CHD3: variants seen among roughly 807,000 people sequenced by gnomAD.
The protein encoded by CHD3 is chromodomain helicase DNA binding protein 3.
Under a neutral mutation model 248.9 loss-of-function variants are expected in CHD3, and 52 were observed. The ratio of observed to expected loss-of-function variants is 0.21; its 90% CI spans 0.17 to 0.26. The LOEUF is 0.26. CHD3 is among the 10% of genes least tolerant of loss of function. The probability of loss-of-function intolerance (pLI) is 1.00; values close to 1 mark genes in which losing one functional copy is unlikely to be tolerated. For missense variants in CHD3, 1,482 were observed against 2,605.8 expected (o/e 0.57, Z 9.39); for synonymous variants, 985 against 985.2 (o/e 1.00, Z 0.00).
chr17:7,902,804 G>A, intron 21 of CHD3, 77 bp downstream of exon 21: 1 of 1,586,444 alleles, frequency 6.3e-7, no homozygotes, highest in East Asian at 2.2e-5. Context: ...ATGGGAGGGG[G>A]ACTGGCTTGG....
chr17:7,909,157 G>T lies in CHD3; in HGVS notation c.5409G>T (p.Ala1803=). The change falls in exon 37 of 40, where the codon GCG becomes GCT. Residue 1803 remains alanine (A), a synonymous_variant. Transcript: ENST00000330494. The surrounding 1 kb of genome is among the most constrained non-coding windows in gnomAD (Gnocchi z 8.1). ...TGTGCCCTCAGCTCCTGGAGCAGGCGCTGGTGATTGAGGAGCAGCTGCGGC... is the reference window on the plus strand; with the variant it reads ...TGTGCCCTCAGCTCCTGGAGCAGGCTCTGGTGATTGAGGAGCAGCTGCGGC... ...LARRFKLLEQ[A]LVIEEQLRRA... is the part of the protein sequence containing the mutation. The T allele has an allele frequency of 6.4e-7, 1 of 1,556,094 alleles. No homozygotes were observed. Among genetic ancestry groups the T allele is most frequent in the Non-Finnish European group, 8.7e-7 (1 of 1,150,572 alleles).
intron 8 of CHD3, 37 bp from the exon 9 acceptor site, chr17:7,894,880 C>T (rs747086994): frequency 3.0e-5 from 48 of 1,606,582 alleles, no homozygotes; most frequent in Non-Finnish European, 4.0e-5. Flanking sequence ...TCCTTAATTT[C>T]TTCCATCTGT....
In CHD3 at chr17:7,910,826, T is replaced by TC; in HGVS notation, c.5755-20dup. The TC allele has an allele frequency of 6.3e-7, 1 of 1,584,260 alleles. No individual in the cohort carries two copies. Among genetic ancestry groups the TC allele is most frequent in the Non-Finnish European group, 8.6e-7 (1 of 1,169,432 alleles). On this transcript the variant is annotated intron_variant, in intron 38 of 39. Transcript: ENST00000330494. The surrounding 1 kb of genome is among the most constrained non-coding windows in gnomAD (Gnocchi z 4.7). ...CACAGACTATGAACTAACTCCAACTTCTGCTTCCTCTCTGTTCCAGGCCTA... is the reference window on the plus strand; with the variant it reads ...CACAGACTATGAACTAACTCCAACTTCCTGCTTCCTCTCTGTTCCAGGCCTA...
chr17:7,890,038 G>C (rs1225134159), intron 2 of CHD3, among the ~76,000 whole-genome samples: 1 of 151,024 alleles, frequency 6.6e-6, no homozygotes, highest in African/African-American at 2.4e-5. Context: ...GAAAGCACAA[G>C]CTCTGGAAGA....
At position 7,898,478 on chromosome 17, in the gene CHD3, G is replaced by T. The variant is rs1227174495; in HGVS notation, c.2052-18G>T. ...ACTCCCAAGGATGAGGCCTCATTCA[G>T]ACCCACTCTTTTTCCAGAGAACTAA... On this transcript the variant is annotated intron_variant, in intron 12 of 39. Coordinates refer to ENST00000330494, the MANE Select transcript of CHD3 (RefSeq NM_001005273.3). 1 of 1,592,778 alleles carries T rather than the reference G, an allele frequency of 6.3e-7. No homozygotes were observed. The highest frequency in any genetic ancestry group is 8.6e-7 in the Non-Finnish European group (1 of 1,161,552).
rs1969258785 is a variant in CHD3, at chr17:7,893,944, C to T, written c.924+9C>T. The T allele has an allele frequency of 6.9e-7, 1 of 1,459,468 alleles. No individual in the cohort carries two copies. Among genetic ancestry groups the T allele is most frequent in the South Asian group, 1.3e-5 (1 of 79,634 alleles). The allele number at this position is 1,459,468 out of a possible 1,614,324, so 90.4% of individuals were successfully genotyped here. The stretch of plus-strand genomic sequence containing the variant: ...GGAAGAAAGGAGGCTCGGTGAGTGA[C>T]CCGTCCCTGTCTACTAAACACCTGG... On this transcript the variant is annotated intron_variant, in intron 6 of 39. Coordinates refer to ENST00000330494, the MANE Select transcript of CHD3 (RefSeq NM_001005273.3).
intron 2 of CHD3, chr17:7,890,353 C>T (rs549863623): frequency 9.6e-5 from 38 of 393,922 alleles, no homozygotes; most frequent in East Asian, 5.4e-4. Context: ...CGCTTGAACC[C>T]GGGAGGTGGA....
chr17:7,893,506 C>A lies in CHD3; in HGVS notation c.730C>A (p.Pro244Thr). Residue 244 changes from proline (P) to threonine (T), a missense_variant, in exon 5 of 40, where the codon CCA becomes ACA. Around this residue, in one of 20 missense-constraint regions of CHD3, gnomAD observed 149 missense variants for 182.6 expected, o/e 0.82. Transcript: ENST00000330494. ...IAPSGPPALP[P>T]PPAADIQPPP... ...ACCCTCCGGACCCCCCGCCCTTCCA[C>A]CACCCCCTGCTGCTGATATCCAGCC... 6.4e-7 allele frequency: 1 copy of A among 1,556,986 alleles called. No homozygotes were observed. The highest frequency in any genetic ancestry group is 2.3e-5 in the East Asian group (1 of 44,440).
intron 20 of CHD3, among the ~76,000 whole-genome samples, chr17:7,901,771 A>C (rs527968854): frequency 6.6e-6 from 1 of 152,084 alleles, no homozygotes; most frequent in East Asian, 1.9e-4. Context: ...TCGGTCTCCC[A>C]AAGTGCTGGG....
At position 7,905,043 on chromosome 17, in the gene CHD3, A is replaced by G; in HGVS notation, c.4073-57A>G. ...GAGGAATCCAGCCAGAAAGGGCCTC[A>G]GCATGGGCATATCCCGAGAGCCCTC... On this transcript the variant is annotated intron_variant, in intron 25 of 39. Transcript: ENST00000330494. The surrounding 1 kb of genome is among the most constrained non-coding windows in gnomAD (Gnocchi z 5.8). 2 of 1,499,558 alleles carry G rather than the reference A, an allele frequency of 1.3e-6. No homozygotes were observed. The highest frequency in any genetic ancestry group is 3.3e-5 in the Admixed American group (2 of 59,762). The allele number at this position is 1,499,558 out of a possible 1,614,324, so 92.9% of individuals were successfully genotyped here. A position where few individuals can be genotyped will look rare whatever the true frequency, so the allele number is the denominator to read the frequency against.
At chr17:7,892,871 T>G (rs575352938) in intron 4 of CHD3, among the ~76,000 whole-genome samples, 1 of 152,224 alleles carries the variant, frequency 6.6e-6, no homozygotes, top group African/African-American at 2.4e-5. Context: ...TAGCTCACTA[T>G]ATCCTCCAAC....
Position 7,900,783 on chromosome 17 carries a change from G to A in CHD3, c.2978+52G>A, listed in dbSNP as rs753088868. On this transcript the variant is annotated intron_variant, in intron 18 of 39. Transcript: ENST00000330494. The surrounding 1 kb of genome is among the most constrained non-coding windows in gnomAD (Gnocchi z 6.5). ...GTAGGGCTTGGGGATTGATGGGAGC[G>A]TTCCAAGTGCAATATCATAATTGCT... 18 of 1,609,696 alleles carry A rather than the reference G, an allele frequency of 1.1e-5. No homozygotes were observed. Among genetic ancestry groups the A allele is most frequent in the South Asian group, 5.5e-5 (5 of 90,974 alleles).
At chr17:7,893,674 G>A (rs1969214738) in intron 5 of CHD3, 105 bp downstream of exon 5, 1 of 1,528,612 alleles carries the variant, frequency 6.5e-7, no homozygotes, top group Non-Finnish European at 8.8e-7. Context: ...CTGGAGGAGA[G>A]ATGCTTTCCA....
At position 7,894,905 on chromosome 17, in the gene CHD3, T is replaced by G. The variant is rs773516185; in HGVS notation, c.1270-12T>G. On this transcript the variant is annotated splice_polypyrimidine_tract_variant and intron_variant, in intron 8 of 39. Transcript: ENST00000330494. ...CTTCCATCTGTCTGTGTGTCTATCC[T>G]TGGCCCCCTAGGAGAAGGAGGGGGT... The G allele has an allele frequency of 6.2e-7, 1 of 1,612,328 alleles. No homozygotes were observed. The highest frequency in any genetic ancestry group is 2.2e-5 in the East Asian group (1 of 44,866).
upstream of CHD3, chr17:7,884,997 G>T (rs1450522944): frequency 1.6e-6 from 2 of 1,242,012 alleles, no homozygotes; most frequent in Non-Finnish European, 1.0e-6. Flanking sequence ...GGCCGCGACC[G>T]CCACAGCCCC....
chr17:7,885,367 G>A (rs1967724210), upstream of CHD3: 2 of 154,820 alleles, frequency 1.3e-5, no homozygotes, highest in South Asian at 1.7e-4. Context: ...AGAGCGCTGG[G>A]CGCGAGCTGC....
Position 7,900,490 on chromosome 17 carries a change from G to C in CHD3, c.2805-68G>C. ...TGAGCTGGTAGAGGATTAATCTGAG[G>C]TGGTAAGTCTGAGATCAGGGGCAAG... On this transcript the variant is annotated intron_variant, in intron 17 of 39. Transcript: ENST00000330494. This position sits in a 1 kb window ranked among gnomAD's most constrained non-coding sequence, Gnocchi z 6.5. 6.2e-7 allele frequency: 1 copy of C among 1,610,572 alleles called. No homozygotes were observed. Among genetic ancestry groups the C allele is most frequent in the South Asian group, 1.1e-5 (1 of 90,978 alleles).
Position 7,910,116 on chromosome 17 carries a change from A to T in CHD3, c.5591-312A>T. 4.5e-6 allele frequency: 1 copy of T among 222,692 alleles called. No homozygotes were observed. The allele number at this position is 222,692 out of a possible 1,614,324, so 13.8% of individuals were successfully genotyped here. ...GATGTTCTGACAACTCCCCGCCCCCATGTCTTCCAATGTCCCCCCATCTTC... is the reference window on the plus strand; with the variant it reads ...GATGTTCTGACAACTCCCCGCCCCCTTGTCTTCCAATGTCCCCCCATCTTC... On this transcript the variant is annotated intron_variant, in intron 37 of 39. Transcript: ENST00000330494. The surrounding 1 kb of genome is among the most constrained non-coding windows in gnomAD (Gnocchi z 4.7).
rs1405845352 is a variant in CHD3, at chr17:7,897,149, C to A, written c.1774C>A (p.Pro592Thr). The A allele has an allele frequency of 6.2e-6, 10 of 1,614,022 alleles. No homozygotes were observed. The highest frequency in any genetic ancestry group is 2.7e-5 in the African/African-American group (2 of 74,906). ...QRKNDMDEPP[P>T]LDYGSGEDDG... is the part of the protein sequence containing the mutation. ...GAAGAATGACATGGATGAGCCCCCA[C>A]CCCTGGACTATGGCTCCGGCGAGGA... Residue 592 changes from proline to threonine, a missense_variant, in exon 11 of 40, where the codon CCC (proline) becomes ACC (threonine). Coordinates refer to ENST00000330494, the MANE Select transcript of CHD3 (RefSeq NM_001005273.3). This position sits in a 1 kb window ranked among gnomAD's most constrained non-coding sequence, Gnocchi z 4.8.
Sources: gnomAD v4.1 joint callset for allele counts (sites outside exome capture counted in the v4.1 genomes callset) on GRCh38, gnomAD v4.1.1 for gene constraint, gnomAD v4.1.1 regional missense constraint, Gnocchi (gnomAD v3.1) non-coding constraint, MANE v1.5 for transcripts, NCBI Gene and HGNC (gene_info 2026-07-23, HGNC 2026-07-21) for gene names.